Variants in SUGCT observed in about 807,000 individuals in gnomAD.
The protein encoded by SUGCT is succinyl-CoA:glutarate CoA-transferase.
In SUGCT, 41 loss-of-function variants were observed where a neutral mutation model predicts 55.0. That is an observed-to-expected ratio of 0.74 (90% confidence interval 0.58 to 0.97). The LOEUF (loss-of-function observed/expected upper bound fraction) is 0.97. SUGCT is among the 50% of genes least tolerant of loss of function. The pLI, the probability that SUGCT is intolerant of heterozygous loss-of-function variation, is 0.00. For synonymous variants in SUGCT, 187 were observed against 200.4 expected (o/e 0.93, Z 0.56); for missense variants, 568 against 547.8 (o/e 1.04, Z -0.37).
At chr7:40,972,847 G>A in the SUGCT span, among the ~76,000 whole-genome samples, 1 of 152,144 alleles carries the variant, frequency 6.6e-6, no homozygotes, top group African/African-American at 2.4e-5. Flanking sequence ...TTGCACTGCT[G>A]TAGACCTTCT....
At chr7:40,217,711 A>G (rs1025660494) in intron 6 of SUGCT, among the ~76,000 whole-genome samples, 9 of 152,218 alleles carry the variant, frequency 5.9e-5, no homozygotes, top group African/African-American at 2.2e-4. Context: ...TGGGTTTCAG[A>G]AAGCTATCTG....
intron 12 of SUGCT, among the ~76,000 whole-genome samples, chr7:40,685,564 A>G (rs1240309607): frequency 6.6e-6 from 1 of 152,192 alleles, no homozygotes; most frequent in Non-Finnish European, 1.5e-5. Context: ...TTCTACCTTC[A>G]GAGTTGCTGT....
chr7:40,791,438 A>G (rs1342120547), intron 13 of SUGCT, among the ~76,000 whole-genome samples: 1 of 152,226 alleles, frequency 6.6e-6, no homozygotes, highest in African/African-American at 2.4e-5. Context: ...AGGAACTGCT[A>G]ACGCTAGATA....
chr7:40,959,180 C>T, the SUGCT span, among the ~76,000 whole-genome samples: 3 of 152,212 alleles, frequency 2.0e-5, no homozygotes, highest in African/African-American at 2.4e-5. Context: ...TGTCCCTTAT[C>T]AGAGCGTGAG....
chr7:40,903,154 C>A, the SUGCT span, among the ~76,000 whole-genome samples: 1 of 152,002 alleles, frequency 6.6e-6, no homozygotes, highest in South Asian at 2.1e-4. Flanking sequence ...GCCTCAGCCT[C>A]CCAAGTAGCT....
At chr7:40,489,847 T>G (rs1791588012) in intron 11 of SUGCT, among the ~76,000 whole-genome samples, 1 of 152,214 alleles carries the variant, frequency 6.6e-6, no homozygotes, top group African/African-American at 2.4e-5. Context: ...GATGTCATGT[T>G]TCCCTGATTG....
chr7:40,463,892 A>G (rs1387820073), intron 11 of SUGCT, among the ~76,000 whole-genome samples: 3 of 152,194 alleles, frequency 2.0e-5, no homozygotes, highest in Non-Finnish European at 4.4e-5. Context: ...AAAACAGAAG[A>G]GGAGATATAA....
intron 9 of SUGCT, among the ~76,000 whole-genome samples, chr7:40,413,443 G>A (rs1786801821): frequency 6.6e-6 from 1 of 152,064 alleles, no homozygotes; most frequent in Non-Finnish European, 1.5e-5. Context: ...ACTCCAGATG[G>A]ATTAAAGATT....
At chr7:40,287,010 A>C (rs1242581180) in intron 8 of SUGCT, among the ~76,000 whole-genome samples, 1 of 152,144 alleles carries the variant, frequency 6.6e-6, no homozygotes, top group Non-Finnish European at 1.5e-5. Flanking sequence ...GAGAAGGTTG[A>C]CATGGCTTCT....
intron 9 of SUGCT, among the ~76,000 whole-genome samples, chr7:40,355,679 A>G (rs1797853360): frequency 6.6e-6 from 1 of 152,272 alleles, no homozygotes; most frequent in Non-Finnish European, 1.5e-5. Flanking sequence ...AGACAGATTT[A>G]CTAATGAGAA....
intron 12 of SUGCT, among the ~76,000 whole-genome samples, chr7:40,554,174 A>G (rs1795443908): frequency 6.6e-6 from 1 of 152,234 alleles, no homozygotes; most frequent in African/African-American, 2.4e-5. Context: ...AGTGCCCGAC[A>G]CATTATGAGC....
chr7:40,284,499 T>C (rs1441026202), intron 8 of SUGCT, among the ~76,000 whole-genome samples: 1 of 151,462 alleles, frequency 6.6e-6, no homozygotes, highest in Non-Finnish European at 1.5e-5. Context: ...TCCCAGCTAC[T>C]CTGGAGGCTG....
chr7:40,620,160 G>A (rs960572647), intron 12 of SUGCT, among the ~76,000 whole-genome samples: 10 of 152,252 alleles, frequency 6.6e-5, no homozygotes, highest in African/African-American at 2.4e-4. Context: ...TACCTTACCT[G>A]ACAATTGTGA....
chr7:40,238,309 A>G (rs1022283562), intron 7 of SUGCT, among the ~76,000 whole-genome samples: 3 of 152,118 alleles, frequency 2.0e-5, no homozygotes, highest in Admixed American at 1.3e-4. Flanking sequence ...TTTTATAATA[A>G]TTCCTCTCCA....
chr7:40,728,379 C>A (rs1274464148), intron 12 of SUGCT, among the ~76,000 whole-genome samples: 1 of 151,946 alleles, frequency 6.6e-6, no homozygotes, highest in Non-Finnish European at 1.5e-5. Context: ...ATTAGCCGGG[C>A]ATAGTGGTGG....
At chr7:40,307,137 A>C (rs1479899442) in intron 8 of SUGCT, among the ~76,000 whole-genome samples, 2 of 152,204 alleles carry the variant, frequency 1.3e-5, no homozygotes, top group African/African-American at 4.8e-5. Flanking sequence ...AAGTAAATAA[A>C]AGTAGAGATT....
chr7:40,905,356 C>CA, the SUGCT span, among the ~76,000 whole-genome samples: 2 of 151,508 alleles, frequency 1.3e-5, no homozygotes, highest in African/African-American at 4.9e-5. Context: ...TGTTTTCTCA[C>CA]AAAAAAGCAG....
intron 11 of SUGCT, among the ~76,000 whole-genome samples, chr7:40,471,507 C>T (rs1484100986): frequency 6.6e-6 from 1 of 151,902 alleles, no homozygotes; most frequent in Non-Finnish European, 1.5e-5. Context: ...TACAACATAT[C>T]TAGGGATAAC....
chr7:40,207,780 G>A (rs1409496123), intron 6 of SUGCT, among the ~76,000 whole-genome samples: 1 of 151,774 alleles, frequency 6.6e-6, no homozygotes, highest in Non-Finnish European at 1.5e-5. Flanking sequence ...TTGTGCCAGA[G>A]CAAGACTCCA....
Sources: allele counts gnomAD v4.1 joint callset (sites outside exome capture counted in the v4.1 genomes callset), GRCh38; gene constraint gnomAD v4.1.1; transcripts MANE v1.5; gene names NCBI Gene and HGNC (gene_info 2026-07-23, HGNC 2026-07-21).